ZC3H12B: variants seen among roughly 807,000 people sequenced by gnomAD.
ZC3H12B encodes zinc finger CCCH-type containing 12B.
ZC3H12B carries 7 observed loss-of-function variants against 43.9 expected under a neutral mutation model. That is an observed-to-expected ratio of 0.16 (90% CI 0.09 to 0.30). The LOEUF is 0.30. ZC3H12B is among the 10% of genes least tolerant of loss of function. The pLI is 1.00. For missense variants in ZC3H12B, 475 were observed against 670.2 expected, an observed-to-expected ratio of 0.71 and a Z score of 3.22; for synonymous variants, 222 against 241.7, an observed-to-expected ratio of 0.92 and a Z score of 0.76.
At chrX:65,243,306 G>A in the ZC3H12B span, among the ~76,000 whole-genome samples, 169 of 112,259 alleles carry the variant, frequency 1.5e-3, 1 homozygote, top group Middle Eastern at 4.6e-3. Flanking sequence ...ATGGGTGAAA[G>A]ATCTGAATAC....
In ZC3H12B at chrX:65,449,357, G is replaced by A. The variant is rs1386420062; in HGVS notation, n.408-39289G>A. Among the ~76,000 whole-genome samples the A allele has an allele frequency of 4.5e-5, 5 of 111,712 alleles. No homozygotes were observed. The South Asian group carries it at 1.5e-3, about 34-fold the overall frequency. On this transcript the variant is annotated intron_variant and non_coding_transcript_variant, in intron 3 of 5. Transcript: ENST00000617377. Reference sequence around the variant, plus strand: ...ATGTGGGCCAGGCATGGTGGTTCACGCCTGTAATCCTAGCACATTGGGAGG... The same window carrying A: ...ATGTGGGCCAGGCATGGTGGTTCACACCTGTAATCCTAGCACATTGGGAGG...
At chrX:65,449,262 A>G (rs1185023216) in intron 3 of ZC3H12B, among the ~76,000 whole-genome samples, 1 of 110,975 alleles carries the variant, frequency 9.0e-6, no homozygotes, top group African/African-American at 3.3e-5. Context: ...ACGTTTATCT[A>G]TGTAACAAAC....
At chrX:65,143,457 A>AT in the ZC3H12B span, among the ~76,000 whole-genome samples, 42 of 109,342 alleles carry the variant, frequency 3.8e-4, no homozygotes, top group Admixed American at 6.9e-4. Flanking sequence ...TGATCAAGTG[A>AT]TTTTTTTTAA....
the ZC3H12B span, among the ~76,000 whole-genome samples, chrX:65,117,573 C>A: frequency 9.0e-6 from 1 of 111,521 alleles, no homozygotes; most frequent in Non-Finnish European, 1.9e-5. Context: ...TAATTAGATC[C>A]CATGTGTCAA....
chrX:65,408,650 C>T, intron 3 of ZC3H12B: 3 of 1,050,361 alleles, frequency 2.9e-6, no homozygotes, highest in Non-Finnish European at 3.9e-6. Context: ...AGATGCAGAG[C>T]ACCACAGAGA....
At chrX:65,098,936 C>T in the ZC3H12B span, among the ~76,000 whole-genome samples, 2 of 111,237 alleles carry the variant, frequency 1.8e-5, no homozygotes, top group East Asian at 5.7e-4. Flanking sequence ...TGGTCTCACT[C>T]AGCAGGTCCC....
the ZC3H12B span, among the ~76,000 whole-genome samples, chrX:65,068,105 C>CTTTTTTTTTTTTT: frequency 3.3e-5 from 2 of 60,810 alleles, no homozygotes; most frequent in African/African-American, 1.4e-4. Context: ...CTTGATGTTA[C>CTTTTTTTTTTTTT]TTTTTTTTTT....
intron 3 of ZC3H12B, among the ~76,000 whole-genome samples, chrX:65,480,213 AG>A (rs2068046635): frequency 8.9e-6 from 1 of 112,511 alleles, no homozygotes; most frequent in Non-Finnish European, 1.9e-5. Flanking sequence ...AACTATCAAA[AG>A]ATTTCATGGC....
the ZC3H12B span, among the ~76,000 whole-genome samples, chrX:65,066,601 G>C: frequency 1.8e-5 from 2 of 111,994 alleles, no homozygotes; most frequent in Non-Finnish European, 3.8e-5. Flanking sequence ...GTATCTCCTA[G>C]TCAGGAGGCA....
the ZC3H12B span, among the ~76,000 whole-genome samples, chrX:65,321,959 T>G: frequency 9.0e-6 from 1 of 111,349 alleles, no homozygotes; most frequent in Non-Finnish European, 1.9e-5. Flanking sequence ...AATACCTGGG[T>G]GATTAGATAA....
the ZC3H12B span, among the ~76,000 whole-genome samples, chrX:65,055,356 G>T: frequency 1.8e-5 from 2 of 111,765 alleles, no homozygotes; most frequent in Non-Finnish European, 3.8e-5. Flanking sequence ...TGTGGTTTTT[G>T]TCATTGGTTC....
At chrX:65,351,041 C>A in the ZC3H12B span, among the ~76,000 whole-genome samples, 2 of 111,882 alleles carry the variant, frequency 1.8e-5, no homozygotes, top group Non-Finnish European at 1.9e-5. Context: ...AAGAAAAAAG[C>A]TGGAGGCATC....
the ZC3H12B span, among the ~76,000 whole-genome samples, chrX:65,160,496 G>C: frequency 1.8e-5 from 2 of 111,726 alleles, no homozygotes; most frequent in African/African-American, 6.5e-5. Flanking sequence ...TTGGGAGGTT[G>C]TATGTGTCGA....
chrX:65,077,772 G>A, the ZC3H12B span, among the ~76,000 whole-genome samples: 341 of 112,052 alleles, frequency 3.0e-3, 1 homozygote, highest in Non-Finnish European at 5.4e-3. Flanking sequence ...GTTCTGGATT[G>A]CAGGTCTCCC....
the ZC3H12B span, among the ~76,000 whole-genome samples, chrX:65,241,978 C>T: frequency 9.0e-6 from 1 of 111,314 alleles, no homozygotes; most frequent in African/African-American, 3.3e-5. Context: ...TGTATTGGAC[C>T]CAAGGCTTGA....
the ZC3H12B span, among the ~76,000 whole-genome samples, chrX:65,201,940 G>T: frequency 9.7e-6 from 1 of 103,314 alleles, no homozygotes; most frequent in Non-Finnish European, 2.0e-5. Flanking sequence ...TTGCTGCCCT[G>T]TGAAGAGGTG....
the ZC3H12B span, among the ~76,000 whole-genome samples, chrX:65,229,331 A>G: frequency 1.8e-5 from 2 of 111,664 alleles, no homozygotes; most frequent in African/African-American, 3.3e-5. Context: ...GGCTAGTCAC[A>G]TGTAGAAAGC....
chrX:65,484,370 A>G (rs901263787), upstream of ZC3H12B, among the ~76,000 whole-genome samples: 1 of 112,327 alleles, frequency 8.9e-6, no homozygotes, highest in Admixed American at 9.5e-5. Flanking sequence ...TTAACAAAAA[A>G]AGTAATTCTA....
chrX:65,176,078 G>T, the ZC3H12B span, among the ~76,000 whole-genome samples: 1 of 111,934 alleles, frequency 8.9e-6, no homozygotes, highest in Non-Finnish European at 1.9e-5. Context: ...AAGCCAGGGA[G>T]CCAAGTGGTC....
Sources: allele counts gnomAD v4.1 joint callset (sites outside exome capture counted in the v4.1 genomes callset), GRCh38; gene constraint gnomAD v4.1.1; transcripts MANE v1.5; gene names NCBI Gene and HGNC (gene_info 2026-07-23, HGNC 2026-07-21).